Variants in OSM observed in about 807,000 individuals in gnomAD.
OSM encodes oncostatin M, also known as oncostatin-M.
OSM carries 1 observed loss-of-function variant against 6.3 expected under a neutral mutation model. The observed-to-expected ratio is 0.16, with a 90% CI of 0.06 to 0.76. OSM has a LOEUF of 0.76. OSM is among the 30% of genes least tolerant of loss of function. The pLI is 0.77. For missense variants in OSM, 324 were observed against 336.9 expected, an observed-to-expected ratio of 0.96 and a Z score of 0.30; for synonymous variants, 135 against 143.4, an observed-to-expected ratio of 0.94 and a Z score of 0.42.
Position 30,266,632 on chromosome 22 carries a change from C to G in OSM, c.34+134G>C, listed in dbSNP as rs536443339. 11 of 928,250 alleles carry G rather than the reference C, an allele frequency of 1.2e-5. No homozygotes were observed. In the Admixed American group the frequency reaches 1.5e-4, roughly 13 times the overall value. The allele number at this position is 928,250 out of a possible 1,614,324, so 57.5% of individuals were successfully genotyped here. The stretch of plus-strand genomic sequence containing the variant: ...TCTCTGCCTGACCTCCTGGCTCTCT[C>G]CCCTTCTCAGCATCCTTCTGCCTGG... On this transcript the variant is annotated intron_variant, in intron 1 of 2. Transcript: ENST00000215781. This position sits in a 1 kb window ranked among gnomAD's most constrained non-coding sequence, Gnocchi z 5.0.
chr22:30,266,302 G>A lies in OSM; in HGVS notation c.34+464C>T, dbSNP rs1303121054. ...TAGATGACGTCATATGGCTGTGTGC[G>A]CATGTGGCCATGTGGGTGTGGCTGT... On this transcript the variant is annotated intron_variant, in intron 1 of 2. Coordinates refer to ENST00000215781, the MANE Select transcript of OSM (RefSeq NM_020530.6). This position sits in a 1 kb window ranked among gnomAD's most constrained non-coding sequence, Gnocchi z 5.0. 6.6e-6 allele frequency among the ~76,000 whole-genome samples: 1 copy of A among 152,144 alleles called. No homozygotes were observed. Among genetic ancestry groups the A allele is most frequent in the Non-Finnish European group, 1.5e-5 (1 of 68,012 alleles).
intron 1 of OSM, chr22:30,265,892 GTACAGT>G (rs994184094): frequency 6.6e-6 from 1 of 152,344 alleles, no homozygotes; most frequent in African/African-American, 2.4e-5. Context: ...TTGGGGGCGG[GTACAGT>G]TACCGCTCAC....
intron 2 of OSM, 71 bp from the exon 3 acceptor site, chr22:30,264,535 G>A (rs1482601978): frequency 2.3e-6 from 3 of 1,280,878 alleles, no homozygotes; most frequent in Non-Finnish European, 3.3e-6. Flanking sequence ...AGTAAGCCTT[G>A]AAATGCTAGA....
Position 30,263,737 on chromosome 22 carries a change from C to T in OSM, c.*146G>A, listed in dbSNP as rs1907348291. 1 of 592,958 alleles carries T rather than the reference C, an allele frequency of 1.7e-6. No individual in the cohort carries two copies. The highest frequency in any genetic ancestry group is 1.9e-5 in the African/African-American group (1 of 53,916). The allele number at this position is 592,958 out of a possible 1,614,324, so 36.7% of individuals were successfully genotyped here. A position where few individuals can be genotyped will look rare whatever the true frequency, so the allele number is the denominator to read the frequency against. On this transcript the variant is annotated 3_prime_UTR_variant, in exon 3 of 3. Coordinates refer to ENST00000215781, the MANE Select transcript of OSM (RefSeq NM_020530.6). Reference sequence around the variant, plus strand: ...CCTGGAGGAGGTAGAGGGGTCTGCCCAGCTCCCACCTCTTAAAGTGCACTT... The same window carrying T: ...CCTGGAGGAGGTAGAGGGGTCTGCCTAGCTCCCACCTCTTAAAGTGCACTT...
chr22:30,264,912 T>C (rs949876606), intron 2 of OSM, 90 bp downstream of exon 2: 23 of 1,464,592 alleles, frequency 1.6e-5, no homozygotes, highest in Admixed American at 1.4e-4. Flanking sequence ...CCATATGGAG[T>C]GGGGCTAGGC....
chr22:30,264,856 C>CA lies in OSM; in HGVS notation c.177+145dup, dbSNP rs1478516235. On this transcript the variant is annotated intron_variant, in intron 2 of 2. Coordinates refer to ENST00000215781, the MANE Select transcript of OSM (RefSeq NM_020530.6). ...AGCTGGAGGGCCAGCCTTAGCTCCT[C>CA]AGGGTTAAGGCTGGAATAACATAGC... The CA allele has an allele frequency of 4.3e-5, 46 of 1,072,686 alleles. No individual in the cohort carries two copies. The Admixed American group carries it at 1.0e-3, about 24-fold the overall frequency. The allele number at this position is 1,072,686 out of a possible 1,614,324, so 66.4% of individuals were successfully genotyped here. A position where few individuals can be genotyped will look rare whatever the true frequency, so the allele number is the denominator to read the frequency against.
chr22:30,264,282 G>C lies in OSM; in HGVS notation c.360C>G (p.Ala120=), dbSNP rs202063715. ...LADLEQRLPK[A]QDLERSGLNI... ...TCAGCCCAGACCTCTCCAAATCCTG[G>C]GCCTTGGGGAGGCGCTGCTCTAAGT... Residue 120 remains alanine (A), a synonymous_variant, in exon 3 of 3, where the codon GCC becomes GCG. Transcript: ENST00000215781. 2.5e-6 allele frequency: 4 copies of C among 1,613,980 alleles called. No individual in the cohort carries two copies. In the African/African-American group the frequency reaches 5.3e-5, roughly 22 times the overall value.
chr22:30,264,039 G>T lies in OSM; in HGVS notation c.603C>A (p.Phe201Leu). 1.9e-6 allele frequency: 3 copies of T among 1,578,808 alleles called. No individual in the cohort carries two copies. The highest frequency in any genetic ancestry group is 2.6e-6 in the Non-Finnish European group (3 of 1,159,894). ...TGAAGACCCGCCCCACTGAGTGCAT[G>T]AAGCGATGGTAGCCATGCAGGAACC... is the stretch of plus-strand genomic sequence containing the variant. ...GCRFLHGYHR[F>L]MHSVGRVFSK... is the part of the protein sequence containing the mutation. The change falls in exon 3 of 3, where the codon TTC (phenylalanine) becomes TTA (leucine). Residue 201 changes from phenylalanine to leucine, a missense_variant. Coordinates refer to ENST00000215781, the MANE Select transcript of OSM (RefSeq NM_020530.6).
In OSM at chr22:30,263,553, C is replaced by T. The variant is rs1156546226; in HGVS notation, c.*330G>A. On this transcript the variant is annotated 3_prime_UTR_variant, in exon 3 of 3. Transcript: ENST00000215781. ...GGAAGGACCGGCAGGCCTCGGGGAG[C>T]AAGGCAGGGGGGCAGTCAGCCCGGC... The T allele has an allele frequency of 9.6e-6, 3 of 311,046 alleles. No individual in the cohort carries two copies. The highest frequency in any genetic ancestry group is 1.0e-4 in the East Asian group (2 of 19,620). The allele number at this position is 311,046 out of a possible 1,614,324, so 19.3% of individuals were successfully genotyped here.
chr22:30,266,757 A>C lies in OSM; in HGVS notation c.34+9T>G. 1 of 1,613,060 alleles carries C rather than the reference A, an allele frequency of 6.2e-7. No homozygotes were observed. Among genetic ancestry groups the C allele is most frequent in the Non-Finnish European group, 8.5e-7 (1 of 1,179,480 alleles). Reference sequence around the variant, plus strand: ...GGCGGGTTCTGGCGGGGAGGAAGGAAGTACTTACTGAGCAGCGTCCTCTGT... The same window carrying C: ...GGCGGGTTCTGGCGGGGAGGAAGGACGTACTTACTGAGCAGCGTCCTCTGT... On this transcript the variant is annotated intron_variant, in intron 1 of 2. Transcript: ENST00000215781. The surrounding 1 kb of genome is among the most constrained non-coding windows in gnomAD (Gnocchi z 5.0).
rs2123850910 is a variant in OSM at position 30,264,289 on chromosome 22, G to A, written c.353C>T (p.Pro118Leu). 1 of 1,614,108 alleles carries A rather than the reference G, an allele frequency of 6.2e-7. No homozygotes were observed. Among genetic ancestry groups the A allele is most frequent in the Admixed American group, 1.7e-5 (1 of 60,026 alleles). ...HRLADLEQRLPKAQDLERSGL... is the reference protein window; with the variant it reads ...HRLADLEQRLLKAQDLERSGL... ...AGACCTCTCCAAATCCTGGGCCTTG[G>A]GGAGGCGCTGCTCTAAGTCGGCCAG... Residue 118 changes from proline (P) to leucine (L), a missense_variant, in exon 3 of 3, where the codon CCC (proline) becomes CTC (leucine). By Grantham distance (98) the Pro-to-Leu change is moderately conservative. Coordinates refer to ENST00000215781, the MANE Select transcript of OSM (RefSeq NM_020530.6).
rs200481037 is a variant in OSM, at chr22:30,264,128, C to T, written c.514G>A (p.Ala172Thr). The T allele has an allele frequency of 4.5e-5, 72 of 1,611,632 alleles. No homozygotes were observed. The highest frequency in any genetic ancestry group is 5.6e-5 in the Non-Finnish European group (66 of 1,178,604). ...TAEPTKAGRG[A>T]SQPPTPTPAS... ...GGGGTGGGGGTGGGCGGCTGAGAGG[C>T]CCCCCGGCCAGCCTTCGTGGGCTCA... Residue 172 changes from alanine to threonine, a missense_variant, in exon 3 of 3, where the codon GCC becomes ACC. Physicochemically the swap from Ala to Thr is moderately conservative, Grantham distance 58 (BLOSUM62 0). Transcript: ENST00000215781.
In OSM at chr22:30,263,814, T is replaced by A; in HGVS notation, c.*69A>T. On this transcript the variant is annotated 3_prime_UTR_variant, in exon 3 of 3. Transcript: ENST00000215781. ...AGGTTTGGGGACCCGGGAGCTGTCA[T>A]CCTGCGATGGTTCCTCTCATCCACA... 7.8e-7 allele frequency: 1 copy of A among 1,287,648 alleles called. No individual in the cohort carries two copies. The highest frequency in any genetic ancestry group is 1.0e-6 in the Non-Finnish European group (1 of 953,988). 79.8% of individuals were successfully genotyped at this position (1,287,648 alleles called of 1,614,324 possible).
chr22:30,264,894 C>T (rs1929350200), intron 2 of OSM, 108 bp downstream of exon 2: 16 of 1,339,982 alleles, frequency 1.2e-5, no homozygotes, highest in South Asian at 6.7e-5. Context: ...CTCAGTTCCC[C>T]GACCTGGCCA....
At chr22:30,265,719 A>G (rs6518684) in intron 1 of OSM, 6,259 of 153,858 alleles carry the variant, frequency 0.041, 411 homozygotes, top group African/African-American at 0.14. Context: ...CTTCCAGTCC[A>G]TGTCCCCACT....
intron 2 of OSM, 24 bp downstream of exon 2, chr22:30,264,978 T>C (rs765444574): frequency 1.2e-6 from 2 of 1,610,742 alleles, no homozygotes; most frequent in Admixed American, 1.7e-5. Flanking sequence ...GAGACTCAGA[T>C]GCCACAAGGG....
Position 30,265,111 on chromosome 22 carries a change from G to A in OSM, c.68C>T (p.Ala23Val), listed in dbSNP as rs201487455. 74 of 1,613,954 alleles carry A rather than the reference G, an allele frequency of 4.6e-5. No homozygotes were observed. Among genetic ancestry groups the A allele is most frequent in the Middle Eastern group, 1.6e-4 (1 of 6,082 alleles). Residue 23 changes from alanine to valine, a missense_variant, in exon 2 of 3, where the codon GCG becomes GTG. Transcript: ENST00000215781. ...GCAGCTGCCTATAGCCGCCATGCTCGCCATGCTTGGAAACAGGAGTGCAAG... is the reference window on the plus strand; with the variant it reads ...GCAGCTGCCTATAGCCGCCATGCTCACCATGCTTGGAAACAGGAGTGCAAG... ...LVLALLFPSM[A>V]SMAAIGSCSK...
At position 30,263,862 on chromosome 22, in the gene OSM, C is replaced by T. The variant is rs201682468; in HGVS notation, c.*21G>A. The T allele has an allele frequency of 8.6e-5, 128 of 1,480,778 alleles. 1 individual carries two copies. In the South Asian group the frequency reaches 9.6e-4, roughly 11 times the overall value. The allele number at this position is 1,480,778 out of a possible 1,614,324, so 91.7% of individuals were successfully genotyped here. A position where few individuals can be genotyped will look rare whatever the true frequency, so the allele number is the denominator to read the frequency against. On this transcript the variant is annotated 3_prime_UTR_variant, in exon 3 of 3. Coordinates refer to ENST00000215781, the MANE Select transcript of OSM (RefSeq NM_020530.6). The stretch of plus-strand genomic sequence containing the variant: ...ACAGAGCACCTGCCGCATCCTTCAC[C>T]GGCAAGGGGTGCTCTCGAGGCTACC...
chr22:30,266,819 G>C lies in OSM; in HGVS notation c.-20C>G. 6.2e-7 allele frequency: 1 copy of C among 1,609,290 alleles called. No individual in the cohort carries two copies. The highest frequency in any genetic ancestry group is 1.1e-5 in the South Asian group (1 of 90,818). Reference sequence around the variant, plus strand: ...CCCCATGCTGGGTGCCCGTGCTCCGGCCCGCGCCCGCTGGGGGTGACACCT... The same window carrying C: ...CCCCATGCTGGGTGCCCGTGCTCCGCCCCGCGCCCGCTGGGGGTGACACCT... On this transcript the variant is annotated 5_prime_UTR_variant, in exon 1 of 3. Coordinates refer to ENST00000215781, the MANE Select transcript of OSM (RefSeq NM_020530.6). This position sits in a 1 kb window ranked among gnomAD's most constrained non-coding sequence, Gnocchi z 5.0.
Sources: gnomAD v4.1 joint callset for allele counts (sites outside exome capture counted in the v4.1 genomes callset) on GRCh38, gnomAD v4.1.1 for gene constraint, Gnocchi (gnomAD v3.1) non-coding constraint, MANE v1.5 for transcripts, NCBI Gene and HGNC (gene_info 2026-07-23, HGNC 2026-07-21) for gene names.